Variants in SUN1 observed in about 807,000 individuals in gnomAD.
SUN1 encodes SUN domain-containing protein 1.
Under a neutral mutation model 103.2 loss-of-function variants are expected in SUN1, and 61 were observed. The ratio of observed to expected loss-of-function variants is 0.59; its 90% CI spans 0.48 to 0.73. The LOEUF is 0.73. Ranked by LOEUF, SUN1 falls within the 30% of genes least tolerant of loss-of-function variation. SUN1 has a pLI of 0.00. For missense variants in SUN1, 1,052 were observed against 1,034.6 expected (o/e 1.02, Z -0.23); for synonymous variants, 490 against 425.7 (o/e 1.15, Z -1.86).
chr7:816,853 G>A (rs1233708083), intron 1 of SUN1: 4 of 150,270 alleles, frequency 2.7e-5, no homozygotes, highest in African/African-American at 9.7e-5. Flanking sequence ...GCGCCCCGCA[G>A]CTACCCCGGC....
intron 17 of SUN1, 86 bp from the exon 18 acceptor site, chr7:872,384 T>C: frequency 9.0e-7 from 1 of 1,108,408 alleles, no homozygotes; most frequent in South Asian, 1.4e-5. Context: ...TCCTGTTTGC[T>C]TAGTGCTGGC....
At chr7:815,759 G>T (rs917655601), upstream of SUN1, 1 of 184,510 alleles carries the variant, frequency 5.4e-6, no homozygotes, top group Non-Finnish European at 1.1e-5. Flanking sequence ...CCCTGCAGGA[G>T]ACCTCGCGTG....
intron 2 of SUN1, 82 bp downstream of exon 2, chr7:839,068 C>T (rs1336867501): frequency 1.3e-5 from 18 of 1,366,518 alleles, no homozygotes; most frequent in Admixed American, 1.1e-4. Context: ...TCTGTAAAGC[C>T]GCACCCTGTC....
chr7:856,506 G>A (rs1562743681), intron 12 of SUN1, 105 bp downstream of exon 12: 15 of 1,299,804 alleles, frequency 1.2e-5, no homozygotes, highest in East Asian at 9.4e-5. Flanking sequence ...GGCCTCCCCC[G>A]AGGGTCACCT....
At chr7:830,314 G>A (rs1029991613), upstream of SUN1, among the ~76,000 whole-genome samples, 1 of 152,186 alleles carries the variant, frequency 6.6e-6, no homozygotes, top group East Asian at 1.9e-4. Flanking sequence ...CGCTTGTCAG[G>A]GTGGGGTTAT....
chr7:843,083 C>T lies in SUN1; in HGVS notation c.452-123C>T. ...AGGCATTTTAGGAAATAAACTGTGA[C>T]CAGTGCCATAATGCTGATTTATTAA... On this transcript the variant is annotated intron_variant, in intron 3 of 18. Transcript: ENST00000401592. 8.0e-6 allele frequency: 11 copies of T among 1,372,122 alleles called. 1 individual carries two copies. In the South Asian group the frequency reaches 1.4e-4, roughly 17 times the overall value. The allele number at this position is 1,372,122 out of a possible 1,614,324, so 85.0% of individuals were successfully genotyped here.
chr7:840,656 T>A (rs1350952428), intron 2 of SUN1, among the ~76,000 whole-genome samples: 7 of 107,218 alleles, frequency 6.5e-5, no homozygotes, highest in Non-Finnish European at 1.4e-4. Context: ...TTTTTTTTTT[T>A]TTTGAAACGG....
At chr7:848,837 G>A (rs992485847) in intron 5 of SUN1, among the ~76,000 whole-genome samples, 4 of 152,162 alleles carry the variant, frequency 2.6e-5, no homozygotes, top group African/African-American at 9.7e-5. Flanking sequence ...GATCAGTGTT[G>A]AAACATCTTT....
In SUN1 at chr7:854,025, G is replaced by A. The variant is rs1824695558; in HGVS notation, c.1263+407G>A. ...GTGTGGGTCCCAGACGCACTTCTCG[G>A]AGGCAGCCTGAGATGCTCCCACCCA... On this transcript the variant is annotated intron_variant, in intron 10 of 18. Coordinates refer to ENST00000401592, the MANE Select transcript of SUN1 (RefSeq NM_001130965.3). Among the ~76,000 whole-genome samples the A allele has an allele frequency of 3.9e-5, 6 of 152,220 alleles. No individual in the cohort carries two copies. The South Asian group carries it at 1.2e-3, about 31-fold the overall frequency.
At position 873,359 on chromosome 7, in the gene SUN1, T is replaced by G. The variant is rs1842969416; in HGVS notation, c.*28T>G. 1 of 1,590,916 alleles carries G rather than the reference T, an allele frequency of 6.3e-7. No individual in the cohort carries two copies. Among genetic ancestry groups the G allele is most frequent in the South Asian group, 1.1e-5 (1 of 90,568 alleles). ...ACACTACTCATTATTTTTGTACATT[T>G]TTGTATATACTGGGACAGCGTGAAA... On this transcript the variant is annotated 3_prime_UTR_variant, in exon 19 of 19. Transcript: ENST00000401592.
At chr7:822,746 G>C (rs551329008) in intron 1 of SUN1, among the ~76,000 whole-genome samples, 1 of 152,338 alleles carries the variant, frequency 6.6e-6, no homozygotes, top group East Asian at 1.9e-4. Flanking sequence ...TGAGACTGCT[G>C]TTGACAATTA....
At position 874,700 on chromosome 7, in the gene SUN1, C is replaced by T. The variant is rs1843409215; in HGVS notation, c.*1369C>T. On this transcript the variant is annotated 3_prime_UTR_variant, in exon 19 of 19. Coordinates refer to ENST00000401592, the MANE Select transcript of SUN1 (RefSeq NM_001130965.3). The stretch of plus-strand genomic sequence containing the variant: ...AGGTTACATATATAAATCAAAATTT[C>T]CTATATAAAACTGATTTGGGATTTG... The T allele has an allele frequency of 1.3e-5, 2 of 152,038 alleles. No homozygotes were observed. The highest frequency in any genetic ancestry group is 4.8e-5 in the African/African-American group (2 of 41,382). 9.4% of individuals were successfully genotyped at this position (152,038 alleles called of 1,614,324 possible).
intron 15 of SUN1, among the ~76,000 whole-genome samples, chr7:863,532 T>A (rs570260868): frequency 1.3e-3 from 202 of 152,334 alleles, no homozygotes; most frequent in Middle Eastern, 6.8e-3. Flanking sequence ...ACACAAAAAT[T>A]CAGCGTTTTT....
intron 17 of SUN1, among the ~76,000 whole-genome samples, chr7:870,475 A>G (rs931191748): frequency 8.6e-5 from 13 of 151,786 alleles, no homozygotes; most frequent in African/African-American, 3.2e-4. Context: ...CATCCCAGCT[A>G]TTCGGGAGGC....
At position 860,392 on chromosome 7, in the gene SUN1, C is replaced by A. The variant is rs751444425; in HGVS notation, c.1779+10C>A. 5 of 1,609,442 alleles carry A rather than the reference C, an allele frequency of 3.1e-6. No homozygotes were observed. Among genetic ancestry groups the A allele is most frequent in the Non-Finnish European group, 4.2e-6 (5 of 1,176,946 alleles). On this transcript the variant is annotated intron_variant, in intron 14 of 18. Transcript: ENST00000401592. ...TGGAATAACAGAGGCGGTGAGTCGGCGAGTCGGCGGCAAGAGATGCTTACA... is the reference window on the plus strand; with the variant it reads ...TGGAATAACAGAGGCGGTGAGTCGGAGAGTCGGCGGCAAGAGATGCTTACA...
In SUN1 at chr7:873,243, T is replaced by G; in HGVS notation, c.2270T>G (p.Ile757Arg). 2.5e-6 allele frequency: 4 copies of G among 1,614,280 alleles called. No homozygotes were observed. Among genetic ancestry groups the G allele is most frequent in the Non-Finnish European group, 3.4e-6 (4 of 1,180,046 alleles). Residue 757 changes from isoleucine (I) to arginine (R), a missense_variant, in exon 19 of 19, where the codon ATA (isoleucine) becomes AGA (arginine). Coordinates refer to ENST00000401592, the MANE Select transcript of SUN1 (RefSeq NM_001130965.3). ...AGACCCGACGACACAGCTTTCCAAA[T>G]AGTGGAACTTCGGATTTTTTCTAAC... The part of the protein sequence containing the change: ...LKRPDDTAFQ[I>R]VELRIFSNWG...
At chr7:819,017 C>A (rs577208721) in intron 1 of SUN1, among the ~76,000 whole-genome samples, 1 of 152,148 alleles carries the variant, frequency 6.6e-6, no homozygotes, top group Admixed American at 6.6e-5. Context: ...GTGCCTGCCA[C>A]CACACCCGGC....
intron 1 of SUN1, chr7:817,454 G>A: frequency 5.9e-6 from 9 of 1,536,146 alleles, no homozygotes; most frequent in Non-Finnish European, 7.8e-6. Context: ...CACTGTCACC[G>A]TCATGGGGAG....
chr7:815,938 C>G (rs566499255), upstream of SUN1: 48 of 206,948 alleles, frequency 2.3e-4, no homozygotes, highest in South Asian at 2.1e-3. Context: ...AGGTGAGCCC[C>G]GTCGGAAGTG....
Sources: allele counts gnomAD v4.1 joint callset (sites outside exome capture counted in the v4.1 genomes callset), GRCh38; gene constraint gnomAD v4.1.1; transcripts MANE v1.5; gene names NCBI Gene and HGNC (gene_info 2026-07-23, HGNC 2026-07-21).